PAK1: variants seen among roughly 807,000 people sequenced by gnomAD.
PAK1 encodes p21 (RAC1) activated kinase 1.
PAK1 carries 29 observed loss-of-function variants against 67.4 expected under a neutral mutation model. That is an observed-to-expected ratio of 0.43 (90% confidence interval 0.32 to 0.59). The LOEUF (loss-of-function observed/expected upper bound fraction) is 0.59. Among genes scored for constraint, PAK1 ranks in the 20% least tolerant of loss-of-function variants. The pLI is 0.07. For missense variants in PAK1, 337 were observed against 670.7 expected, an observed-to-expected ratio of 0.50 and a Z score of 5.50; for synonymous variants, 223 against 237.4, an observed-to-expected ratio of 0.94 and a Z score of 0.56.
chr11:77,506,257 C>T, the PAK1 span, among the ~76,000 whole-genome samples: 2 of 152,180 alleles, frequency 1.3e-5, no homozygotes, highest in Non-Finnish European at 2.9e-5. Context: ...ATTCTCAGGG[C>T]TTTGCATGAA....
intron 6 of PAK1, 192 bp from the exon 7 acceptor site, chr11:77,356,034 C>T: frequency 4.0e-6 from 2 of 495,552 alleles, no homozygotes; most frequent in Non-Finnish European, 7.1e-6. Flanking sequence ...TCCTTACTCT[C>T]ACTGTAAACA....
intron 10 of PAK1, among the ~76,000 whole-genome samples, chr11:77,342,891 T>TG (rs1168268060): frequency 6.6e-6 from 1 of 151,364 alleles, no homozygotes; most frequent in East Asian, 1.9e-4. Flanking sequence ...TTAACTTTTT[T>TG]TTTTTTTCAG....
In PAK1 at chr11:77,377,773, C is replaced by G. The variant is rs189465497; in HGVS notation, c.439+1468G>C. On this transcript the variant is annotated intron_variant, in intron 4 of 14. Transcript: ENST00000356341. ...ACTTGGCCACTGAGGTTTTCAAAGACAGCCTCTAACCTGATGTTTCCATGA... is the reference window on the plus strand; with the variant it reads ...ACTTGGCCACTGAGGTTTTCAAAGAGAGCCTCTAACCTGATGTTTCCATGA... 2.6e-5 allele frequency among the ~76,000 whole-genome samples: 4 copies of G among 152,332 alleles called. No homozygotes were observed. The East Asian group carries it at 7.7e-4, about 29-fold the overall frequency.
chr11:77,498,340 A>G, the PAK1 span, among the ~76,000 whole-genome samples: 1 of 152,236 alleles, frequency 6.6e-6, no homozygotes, highest in Admixed American at 6.5e-5. Flanking sequence ...AAAAATTTCC[A>G]GTCTTGACCA....
At chr11:77,368,558 G>A (rs1404180116) in intron 5 of PAK1, among the ~76,000 whole-genome samples, 1 of 152,322 alleles carries the variant, frequency 6.6e-6, no homozygotes, top group East Asian at 1.9e-4. Context: ...AAAATGCAAA[G>A]GGATTGCCAA....
chr11:77,360,305 C>T (rs1946612582), intron 5 of PAK1, among the ~76,000 whole-genome samples: 1 of 152,076 alleles, frequency 6.6e-6, no homozygotes, highest in African/African-American at 2.4e-5. Context: ...TTGTGGTGAC[C>T]ATAGGCAATA....
intron 1 of PAK1, among the ~76,000 whole-genome samples, chr11:77,396,451 CTA>C (rs562527304): frequency 1.5e-3 from 226 of 152,320 alleles, no homozygotes; most frequent in Middle Eastern, 6.8e-3. Context: ...TAGACATAGA[CTA>C]TAAACACCTC....
At chr11:77,446,787 A>G (rs2135357739) in intron 1 of PAK1, among the ~76,000 whole-genome samples, 1 of 152,206 alleles carries the variant, frequency 6.6e-6, no homozygotes, top group Admixed American at 6.5e-5. Context: ...GTAAAGCTAT[A>G]AAAGAGGTAT....
intron 2 of PAK1, among the ~76,000 whole-genome samples, chr11:77,383,219 C>T (rs1239383959): frequency 4.0e-5 from 6 of 151,770 alleles, no homozygotes; most frequent in South Asian, 4.2e-4. Context: ...ATAGATTAGA[C>T]GCGGAGTACA....
At chr11:77,497,323 T>C in the PAK1 span, among the ~76,000 whole-genome samples, 2 of 152,228 alleles carry the variant, frequency 1.3e-5, no homozygotes, top group Non-Finnish European at 2.9e-5. Flanking sequence ...AATAATAATT[T>C]TTACATTCAT....
intron 1 of PAK1, among the ~76,000 whole-genome samples, chr11:77,441,454 T>A (rs1956352094): frequency 6.6e-6 from 1 of 152,204 alleles, no homozygotes; most frequent in Admixed American, 6.5e-5. Context: ...CTTTTTCCAA[T>A]CAAATCTTAC....
intron 1 of PAK1, among the ~76,000 whole-genome samples, chr11:77,400,368 C>T (rs1331598239): frequency 1.3e-5 from 2 of 152,086 alleles, no homozygotes; most frequent in Non-Finnish European, 2.9e-5. Flanking sequence ...CCATTCTAAG[C>T]AGCTCTAGAA....
At chr11:77,402,954 A>G (rs1267987101) in intron 1 of PAK1, among the ~76,000 whole-genome samples, 5 of 152,106 alleles carry the variant, frequency 3.3e-5, no homozygotes, top group African/African-American at 4.8e-5. Flanking sequence ...CCCTCCCCCT[A>G]TGGTGACTCT....
chr11:77,392,564 T>C, intron 1 of PAK1, 23 bp from the exon 2 acceptor site: 1 of 1,501,844 alleles, frequency 6.7e-7, no homozygotes, highest in Non-Finnish European at 9.0e-7. Context: ...ATAAGAACAA[T>C]ATAACTCTTT....
At position 77,323,267 on chromosome 11, in the gene PAK1, T is replaced by C. The variant is rs756091103; in HGVS notation, c.*7A>G. On this transcript the variant is annotated 3_prime_UTR_variant, in exon 15 of 15. Transcript: ENST00000356341. The stretch of plus-strand genomic sequence containing the variant: ...CTTGGCACAATGAGGCTGGGGTGAG[T>C]GTGGTTTTAGTGATTGTTCTTTGTT... The C allele has an allele frequency of 6.2e-7, 1 of 1,613,554 alleles. No homozygotes were observed. Among genetic ancestry groups the C allele is most frequent in the South Asian group, 1.1e-5 (1 of 91,074 alleles).
chr11:77,323,427 G>T, intron 14 of PAK1, 67 bp from the exon 15 acceptor site: 3 of 1,033,528 alleles, frequency 2.9e-6, no homozygotes, highest in Non-Finnish European at 4.6e-6. Flanking sequence ...ACCATTACAA[G>T]ACATAAAGGC....
intron 4 of PAK1, among the ~76,000 whole-genome samples, chr11:77,376,944 CA>C (rs1387595043): frequency 6.6e-6 from 1 of 152,018 alleles, no homozygotes; most frequent in Admixed American, 6.6e-5. Flanking sequence ...ATAAAATGAG[CA>C]TAATAGTCCT....
the PAK1 span, among the ~76,000 whole-genome samples, chr11:77,523,529 C>T: frequency 3.5e-3 from 528 of 151,560 alleles, 5 homozygotes; most frequent in African/African-American, 0.012. Context: ...AAGCGATTTT[C>T]CTGCCTCAGC....
At chr11:77,359,519 C>T (rs906974459) in intron 5 of PAK1, among the ~76,000 whole-genome samples, 1 of 152,156 alleles carries the variant, frequency 6.6e-6, no homozygotes, top group African/African-American at 2.4e-5. Flanking sequence ...CAAAAATCTC[C>T]TGAACCCATT....
Sources: gnomAD v4.1 joint callset for allele counts (sites outside exome capture counted in the v4.1 genomes callset) on GRCh38, gnomAD v4.1.1 for gene constraint, MANE v1.5 for transcripts, NCBI Gene and HGNC (gene_info 2026-07-23, HGNC 2026-07-21) for gene names.